BMP2K: variants seen among roughly 807,000 people sequenced by gnomAD.
BMP2K encodes the protein BMP2 inducible kinase, also known as BMP-2-inducible protein kinase.
BMP2K carries 74 observed loss-of-function variants against 116.0 expected under a neutral mutation model. That is an observed-to-expected ratio of 0.64 (90% confidence interval 0.53 to 0.77). The LOEUF is 0.77. BMP2K is among the 30% of genes least tolerant of loss of function. BMP2K has a pLI of 0.00. For missense variants in BMP2K, 1,365 were observed against 1,403.6 expected (o/e 0.97, Z 0.44); for synonymous variants, 486 against 502.5 (o/e 0.97, Z 0.44).
At chr4:78,808,416 C>T (rs2109967732) in intron 1 of BMP2K, among the ~76,000 whole-genome samples, 1 of 152,118 alleles carries the variant, frequency 6.6e-6, no homozygotes, top group Non-Finnish European at 1.5e-5. Flanking sequence ...CAGGCACCTG[C>T]CACCGCACCC....
At chr4:78,779,075 C>T (rs1014863842) in intron 1 of BMP2K, among the ~76,000 whole-genome samples, 4 of 152,106 alleles carry the variant, frequency 2.6e-5, no homozygotes, top group Admixed American at 6.5e-5. Context: ...TTAATAAATC[C>T]GTCCGTCTCT....
intron 1 of BMP2K, among the ~76,000 whole-genome samples, chr4:78,787,398 T>C (rs1357926666): frequency 6.6e-6 from 1 of 152,216 alleles, no homozygotes; most frequent in Non-Finnish European, 1.5e-5. Context: ...AGTACATCTT[T>C]GTTTTGTGGG....
intron 15 of BMP2K, among the ~76,000 whole-genome samples, chr4:78,888,453 T>C (rs919997088): frequency 1.3e-5 from 2 of 152,202 alleles, no homozygotes; most frequent in Admixed American, 6.5e-5. Flanking sequence ...GAGATACTGA[T>C]CTCTGTGTGG....
intron 14 of BMP2K, chr4:78,879,142 A>G: frequency 8.5e-7 from 1 of 1,179,092 alleles, no homozygotes; most frequent in Non-Finnish European, 1.0e-6. Context: ...TAAATATTGC[A>G]TATCTATGAA....
At chr4:78,909,499 T>C (rs1244342135) in intron 15 of BMP2K, among the ~76,000 whole-genome samples, 1 of 152,190 alleles carries the variant, frequency 6.6e-6, no homozygotes, top group African/African-American at 2.4e-5. Context: ...GTCTGGCCTT[T>C]TCCAGTCTTC....
chr4:78,818,836 G>C (rs542251350), intron 1 of BMP2K, among the ~76,000 whole-genome samples: 3 of 142,874 alleles, frequency 2.1e-5, no homozygotes, highest in African/African-American at 7.9e-5. Flanking sequence ...TTGCTTTGTC[G>C]CCCAGGCTGG....
At position 78,865,691 on chromosome 4, in the gene BMP2K, C is replaced by T. The variant is rs770279387; in HGVS notation, c.1202C>T (p.Pro401Leu). The T allele has an allele frequency of 1.2e-6, 2 of 1,614,094 alleles. No homozygotes were observed. The highest frequency in any genetic ancestry group is 1.7e-6 in the Non-Finnish European group (2 of 1,179,982). ...GCAACACCTGTTAAAGTCCTTGCTC[C>T]TGGTGAATTCGGTAACCATAGACCA... ...SSATPVKVLA[P>L]GEFGNHRPKG... The change falls in exon 10 of 16, where the codon CCT (proline) becomes CTT (leucine). Residue 401 changes from proline (P) to leucine (L), a missense_variant. Physicochemically the swap from Pro to Leu is moderately conservative, Grantham distance 98. Transcript: ENST00000502613.
At chr4:78,847,332 AT>A in intron 6 of BMP2K, 63 bp downstream of exon 6, 2 of 1,261,700 alleles carry the variant, frequency 1.6e-6, no homozygotes, top group Non-Finnish European at 2.2e-6. Flanking sequence ...TCAGTTTATT[AT>A]TTTTTACTCT....
chr4:78,894,789 T>C (rs1733619861), intron 15 of BMP2K, among the ~76,000 whole-genome samples: 1 of 152,230 alleles, frequency 6.6e-6, no homozygotes, highest in Non-Finnish European at 1.5e-5. Flanking sequence ...TGCTTTCCTC[T>C]CTAAGCTTAG....
At chr4:78,817,780 A>C (rs1254883101) in intron 1 of BMP2K, among the ~76,000 whole-genome samples, 2 of 151,956 alleles carry the variant, frequency 1.3e-5, no homozygotes, top group Admixed American at 1.3e-4. Context: ...AATCTGTCTA[A>C]CCTCTAGTTG....
chr4:78,786,670 T>TA (rs1727747770), intron 1 of BMP2K, among the ~76,000 whole-genome samples: 1 of 152,170 alleles, frequency 6.6e-6, no homozygotes, highest in Non-Finnish European at 1.5e-5. Flanking sequence ...ACCACTCTGT[T>TA]AAAAATGGGG....
chr4:78,911,942 TG>T lies in BMP2K; in HGVS notation c.3397del (p.Val1133CysfsTer17). The T allele has an allele frequency of 6.2e-7, 1 of 1,614,014 alleles. No individual in the cohort carries two copies. Among genetic ancestry groups the T allele is most frequent in the Non-Finnish European group, 8.5e-7 (1 of 1,179,882 alleles). On this transcript the variant is annotated frameshift_variant, in exon 16 of 16. Transcript: ENST00000502613. LOFTEE classifies it high-confidence loss of function. ...DFGAVPFTEL[V>X]VQSITPHQSQ... ...GGTGCCGTGCCCTTTACAGAACTTG[TG>T]GTGCAAAGCATCACTCCACATCAGT...
chr4:78,786,843 A>T (rs1418407540), intron 1 of BMP2K, among the ~76,000 whole-genome samples: 1 of 152,140 alleles, frequency 6.6e-6, no homozygotes, highest in African/African-American at 2.4e-5. Flanking sequence ...TTCTAATAAA[A>T]TGCGTAATTT....
At chr4:78,903,077 T>C (rs1048375687) in intron 15 of BMP2K, among the ~76,000 whole-genome samples, 1 of 152,074 alleles carries the variant, frequency 6.6e-6, no homozygotes, top group African/African-American at 2.4e-5. Context: ...CTATGATGTC[T>C]GAAATTTTCC....
At position 78,871,014 on chromosome 4, in the gene BMP2K, A is replaced by T; in HGVS notation, c.1463A>T (p.His488Leu). 3 of 1,606,560 alleles carry T rather than the reference A, an allele frequency of 1.9e-6. No homozygotes were observed. Among genetic ancestry groups the T allele is most frequent in the Admixed American group, 1.7e-5 (1 of 59,906 alleles). ...QQQQQQQQQH[H>L]HHHHHHLLQD... ...CAGCAGCAGCAGCAGCAGCAGCACCACCACCACCACCACCACCACCTACTT... is the reference window on the plus strand; with the variant it reads ...CAGCAGCAGCAGCAGCAGCAGCACCTCCACCACCACCACCACCACCTACTT... The change falls in exon 11 of 16, where the codon CAC becomes CTC. Residue 488 changes from histidine (H) to leucine (L), a missense_variant. Physicochemically the swap from His to Leu is moderately conservative, Grantham distance 99. Around this residue, in one of 3 missense-constraint regions of BMP2K, gnomAD observed 762 missense variants for 756.7 expected, o/e 1.01. Coordinates refer to ENST00000502613, the MANE Select transcript of BMP2K (RefSeq NM_198892.2).
chr4:78,796,325 G>A (rs1000406330), intron 1 of BMP2K, among the ~76,000 whole-genome samples: 26 of 136,986 alleles, frequency 1.9e-4, no homozygotes, highest in African/African-American at 7.2e-4. Flanking sequence ...TCATAGGTGG[G>A]AATTAAACAA....
intron 1 of BMP2K, among the ~76,000 whole-genome samples, chr4:78,802,209 G>T (rs965466617): frequency 1.3e-5 from 2 of 152,204 alleles, no homozygotes; most frequent in African/African-American, 4.8e-5. Context: ...TGAGGCTAAA[G>T]TGCTTTGTGG....
chr4:78,827,120 A>AT (rs1480315061), intron 2 of BMP2K, among the ~76,000 whole-genome samples: 1 of 152,148 alleles, frequency 6.6e-6, no homozygotes, highest in Non-Finnish European at 1.5e-5. Context: ...ATATCAAACT[A>AT]TTACTCTGTG....
intron 15 of BMP2K, among the ~76,000 whole-genome samples, chr4:78,888,818 T>C (rs539078336): frequency 1.3e-5 from 2 of 152,314 alleles, no homozygotes; most frequent in African/African-American, 4.8e-5. Flanking sequence ...TCCTGCCCAG[T>C]ATACAACCCA....
Sources: allele counts gnomAD v4.1 joint callset (sites outside exome capture counted in the v4.1 genomes callset), GRCh38; gene constraint gnomAD v4.1.1; regional missense constraint gnomAD v4.1.1; transcripts MANE v1.5; gene names NCBI Gene and HGNC (gene_info 2026-07-23, HGNC 2026-07-21).